The following B3GALNT2 variants were observed in gnomAD, a reference collection of about 807,000 sequenced individuals.
B3GALNT2 encodes the protein UDP-GalNAc:beta-1,3-N-acetylgalactosaminyltransferase 2.
In B3GALNT2, 53 loss-of-function variants were observed where a neutral mutation model predicts 61.1. The ratio of observed to expected loss-of-function variants is 0.87; its 90% CI spans 0.70 to 1.09. The LOEUF is 1.09. Ranked by LOEUF, B3GALNT2 falls within the 50% of genes least tolerant of loss-of-function variation. The pLI is 0.00. For missense variants in B3GALNT2, 544 were observed against 623.0 expected (o/e 0.87, Z 1.35); for synonymous variants, 223 against 237.4 (o/e 0.94, Z 0.56).
At position 235,504,288 on chromosome 1, in the gene B3GALNT2, C is replaced by A; in HGVS notation, c.-36G>T. 3 of 1,481,776 alleles carry A rather than the reference C, an allele frequency of 2.0e-6. No individual in the cohort carries two copies. Among genetic ancestry groups the A allele is most frequent in the Non-Finnish European group, 2.7e-6 (3 of 1,121,450 alleles). 91.8% of individuals were successfully genotyped at this position (1,481,776 alleles called of 1,614,324 possible). The stretch of plus-strand genomic sequence containing the variant: ...CGCCGCGAGCCGGGCTCTCCCGCGT[C>A]CCGGCGGAGAGGGAGGGGACCTGCA... On this transcript the variant is annotated 5_prime_UTR_variant, in exon 1 of 12. Transcript: ENST00000366600.
At position 235,484,718 on chromosome 1, in the gene B3GALNT2, G is replaced by A. The variant is rs1447037399; in HGVS notation, c.362-203C>T. 3.2e-6 allele frequency: 3 copies of A among 924,100 alleles called. No individual in the cohort carries two copies. The East Asian group carries it at 8.6e-5, about 27-fold the overall frequency. 57.2% of individuals were successfully genotyped at this position (924,100 alleles called of 1,614,324 possible). On this transcript the variant is annotated intron_variant, in intron 3 of 11. Coordinates refer to ENST00000366600, the MANE Select transcript of B3GALNT2 (RefSeq NM_152490.5). ...TTGAAATTTAAGAATAAAGTTTTCAGCCACATCTAAGTAAGTTAATTATCA... is the reference window on the plus strand; with the variant it reads ...TTGAAATTTAAGAATAAAGTTTTCAACCACATCTAAGTAAGTTAATTATCA...
intron 2 of B3GALNT2, among the ~76,000 whole-genome samples, chr1:235,490,824 C>T (rs1685028729): frequency 6.6e-6 from 1 of 151,976 alleles, no homozygotes; most frequent in African/African-American, 2.4e-5. Context: ...ATATTTATTA[C>T]ATCTACATGG....
rs898715462 is a variant in B3GALNT2 at position 235,447,494 on chromosome 1, C to G, written c.*2712G>C. ...AAGTTACATTCCCATGCCTGGCAGT[C>G]ACTTGTGTATGTTTAATACAGTTAC... On this transcript the variant is annotated 3_prime_UTR_variant, in exon 12 of 12. Coordinates refer to ENST00000366600, the MANE Select transcript of B3GALNT2 (RefSeq NM_152490.5). Among the ~76,000 whole-genome samples, 1 of 152,114 alleles carries G rather than the reference C, an allele frequency of 6.6e-6. No homozygotes were observed. The highest frequency in any genetic ancestry group is 2.4e-5 in the African/African-American group (1 of 41,432).
chr1:235,455,614 C>T lies in B3GALNT2; in HGVS notation c.1096G>A (p.Val366Ile), dbSNP rs1683127861. ...TTCTTTTGGACAATCCTATTAAATA[C>T]AGCTTCGAGGTCTATGTAACAGTCA... The part of the protein sequence containing the change: ...DDDCYIDLEA[V>I]FNRIVQKNLD... Residue 366 changes from valine (V) to isoleucine (I), a missense_variant, in exon 9 of 12, where the codon GTA becomes ATA. Transcript: ENST00000366600. 25 of 1,607,576 alleles carry T rather than the reference C, an allele frequency of 1.6e-5. No homozygotes were observed. Among genetic ancestry groups the T allele is most frequent in the Non-Finnish European group, 2.0e-5 (24 of 1,174,010 alleles).
intron 5 of B3GALNT2, 118 bp from the exon 6 acceptor site, chr1:235,471,078 T>C: frequency 6.7e-7 from 1 of 1,494,636 alleles, no homozygotes; most frequent in Admixed American, 2.3e-5. Context: ...ATTTAAAATT[T>C]TCACCCCATA....
Position 235,449,132 on chromosome 1 carries a change from T to A in B3GALNT2, c.*1074A>T, listed in dbSNP as rs1307101737. 1 of 277,584 alleles carries A rather than the reference T, an allele frequency of 3.6e-6. No individual in the cohort carries two copies. The highest frequency in any genetic ancestry group is 7.0e-6 in the Non-Finnish European group (1 of 143,604). The allele number at this position is 277,584 out of a possible 1,614,324, so 17.2% of individuals were successfully genotyped here. A position where few individuals can be genotyped will look rare whatever the true frequency, so the allele number is the denominator to read the frequency against. On this transcript the variant is annotated 3_prime_UTR_variant, in exon 12 of 12. Coordinates refer to ENST00000366600, the MANE Select transcript of B3GALNT2 (RefSeq NM_152490.5). ...TAATGGAATTCTCTATTGAAACTAC[T>A]ATTTTAAAGGGTTACTAGAAATGAT...
intron 11 of B3GALNT2, chr1:235,452,408 G>A (rs748203520): frequency 6.6e-6 from 1 of 152,076 alleles, no homozygotes; most frequent in Non-Finnish European, 1.5e-5. Context: ...ATAACCTAGT[G>A]GATTATTGTG....
intron 1 of B3GALNT2, among the ~76,000 whole-genome samples, chr1:235,497,207 C>T (rs1188834014): frequency 6.6e-6 from 1 of 152,120 alleles, no homozygotes; most frequent in African/African-American, 2.4e-5. Context: ...ATTTAAATGA[C>T]TATGTAAAAC....
intron 5 of B3GALNT2, among the ~76,000 whole-genome samples, chr1:235,474,975 ATATATATATATATTTTTT>A (rs1158636940): frequency 1.4e-4 from 4 of 28,146 alleles, no homozygotes; most frequent in African/African-American, 4.4e-4. Flanking sequence ...ATATATATAT[ATATATATATATATTTTTT>A]TTTTTTTTTT....
At chr1:235,492,782 CATCTA>C (rs1162689914) in intron 2 of B3GALNT2, among the ~76,000 whole-genome samples, 1 of 152,178 alleles carries the variant, frequency 6.6e-6, no homozygotes, top group African/African-American at 2.4e-5. Flanking sequence ...GCTAGAGTGA[CATCTA>C]ATCAGAGACC....
intron 8 of B3GALNT2, among the ~76,000 whole-genome samples, chr1:235,457,267 A>G (rs1307867551): frequency 1.3e-5 from 2 of 152,202 alleles, no homozygotes; most frequent in Non-Finnish European, 2.9e-5. Context: ...GCAACAGAGA[A>G]GAAAAGAAAG....
chr1:235,444,535 C>G (rs1682115283), downstream of B3GALNT2, among the ~76,000 whole-genome samples: 1 of 152,180 alleles, frequency 6.6e-6, no homozygotes, highest in Non-Finnish European at 1.5e-5. Context: ...TCCTGAGTAG[C>G]TGGGACTATA....
At chr1:235,501,040 T>C (rs1410430631) in intron 1 of B3GALNT2, among the ~76,000 whole-genome samples, 1 of 152,254 alleles carries the variant, frequency 6.6e-6, no homozygotes, top group Non-Finnish European at 1.5e-5. Flanking sequence ...AACACTCAAG[T>C]ACTTGTTGAG....
chr1:235,442,971 A>C (rs1681997741), downstream of B3GALNT2: 3 of 1,564,598 alleles, frequency 1.9e-6, no homozygotes, highest in Non-Finnish European at 2.6e-6. Context: ...GGTATGAGTC[A>C]GCTAAAATTA....
chr1:235,479,961 A>G, intron 5 of B3GALNT2, 93 bp downstream of exon 5: 1 of 1,535,250 alleles, frequency 6.5e-7, no homozygotes, highest in South Asian at 1.3e-5. Flanking sequence ...CTGCCCTGGT[A>G]CAAGAAAATA....
At chr1:235,489,731 C>T (rs1684976944) in intron 2 of B3GALNT2, among the ~76,000 whole-genome samples, 1 of 152,122 alleles carries the variant, frequency 6.6e-6, no homozygotes, top group Admixed American at 6.6e-5. Flanking sequence ...TAACTAGTGA[C>T]TCCTTCCCTC....
chr1:235,467,483 CT>C (rs373792377), intron 6 of B3GALNT2, among the ~76,000 whole-genome samples: 75,273 of 116,332 alleles, frequency 0.65, 23,364 homozygotes, highest in African/African-American at 0.82. Flanking sequence ...TACTTATTTA[CT>C]TTTTTTTTTT....
rs1021613067 is a variant in B3GALNT2 at position 235,448,493 on chromosome 1, T to G, written c.*1713A>C. On this transcript the variant is annotated 3_prime_UTR_variant, in exon 12 of 12. Coordinates refer to ENST00000366600, the MANE Select transcript of B3GALNT2 (RefSeq NM_152490.5). ...AAAGTCAAGCTTAGTCCTCGTATTATGACATTAAACTGTCTCTAGATAGCA... is the reference window on the plus strand; with the variant it reads ...AAAGTCAAGCTTAGTCCTCGTATTAGGACATTAAACTGTCTCTAGATAGCA... 40 of 1,554,430 alleles carry G rather than the reference T, an allele frequency of 2.6e-5. No homozygotes were observed. In the Admixed American group the frequency reaches 2.8e-4, roughly 11 times the overall value.
At chr1:235,470,633 A>T (rs1279819696) in intron 6 of B3GALNT2, among the ~76,000 whole-genome samples, 1 of 152,076 alleles carries the variant, frequency 6.6e-6, no homozygotes, top group Non-Finnish European at 1.5e-5. Context: ...ATCAATCTTA[A>T]AGCAAAACTG....
Sources: gnomAD v4.1 joint callset for allele counts (sites outside exome capture counted in the v4.1 genomes callset) on GRCh38, gnomAD v4.1.1 for gene constraint, MANE v1.5 for transcripts, NCBI Gene and HGNC (gene_info 2026-07-23, HGNC 2026-07-21) for gene names.